Variants in UBIAD1 observed in about 807,000 individuals in gnomAD.
The protein encoded by UBIAD1 is ubiA prenyltransferase domain-containing protein 1.
UBIAD1 carries 12 observed loss-of-function variants against 20.1 expected under a neutral mutation model. That is an observed-to-expected ratio of 0.60 (90% CI 0.38 to 0.97). UBIAD1 has a LOEUF of 0.97. Among genes scored for constraint, UBIAD1 ranks in the 50% least tolerant of loss-of-function variants. The probability of loss-of-function intolerance (pLI) is 0.00; values close to 1 mark genes in which losing one functional copy is unlikely to be tolerated. For missense variants in UBIAD1, 333 were observed against 419.5 expected, an observed-to-expected ratio of 0.79 and a Z score of 1.80; for synonymous variants, 207 against 189.2, an observed-to-expected ratio of 1.09 and a Z score of -0.77.
At chr1:11,278,370 C>G (rs1163311242) in intron 1 of UBIAD1, among the ~76,000 whole-genome samples, 1 of 152,040 alleles carries the variant, frequency 6.6e-6, no homozygotes, top group Non-Finnish European at 1.5e-5. Flanking sequence ...TCGAGTACTC[C>G]AAGTTTATGT....
Position 11,286,156 on chromosome 1 carries a change from C to T in UBIAD1, c.*25C>T, listed in dbSNP as rs1179952666. ...AGGGGACAAGTAGCTCCCCCCACGA[C>T]ATGTCTCCCTTTCTTAGAATATATT... is the stretch of plus-strand genomic sequence containing the variant. On this transcript the variant is annotated 3_prime_UTR_variant, in exon 2 of 2. Coordinates refer to ENST00000376810, the MANE Select transcript of UBIAD1 (RefSeq NM_013319.3). The T allele has an allele frequency of 6.2e-7, 1 of 1,614,002 alleles. No homozygotes were observed. Among genetic ancestry groups the T allele is most frequent in the Non-Finnish European group, 8.5e-7 (1 of 1,179,994 alleles).
At chr1:11,294,728 G>A (rs1638420976) in intron 1 of UBIAD1, 2 of 701,096 alleles carry the variant, frequency 2.9e-6, no homozygotes, top group Non-Finnish European at 5.3e-6. Flanking sequence ...CTGGGCGAAA[G>A]TTACAAGTCA....
At chr1:11,290,094 G>C (rs888443396), downstream of UBIAD1, among the ~76,000 whole-genome samples, 9 of 152,100 alleles carry the variant, frequency 5.9e-5, no homozygotes, top group African/African-American at 2.2e-4. Context: ...TCGAAATCCT[G>C]ACCTCAGGCT....
downstream of UBIAD1, among the ~76,000 whole-genome samples, chr1:11,291,825 C>T (rs1489828361): frequency 6.6e-6 from 1 of 151,822 alleles, no homozygotes; most frequent in East Asian, 1.9e-4. Context: ...CACATAAAGC[C>T]ATGTCAGCCT....
Position 11,273,475 on chromosome 1 carries a change from G to A in UBIAD1, c.-57G>A. 1 of 1,604,028 alleles carries A rather than the reference G, an allele frequency of 6.2e-7. No individual in the cohort carries two copies. The highest frequency in any genetic ancestry group is 1.3e-5 in the African/African-American group (1 of 74,932). On this transcript the variant is annotated 5_prime_UTR_variant, in exon 1 of 2. Coordinates refer to ENST00000376810, the MANE Select transcript of UBIAD1 (RefSeq NM_013319.3). The surrounding 1 kb of genome is among the most constrained non-coding windows in gnomAD (Gnocchi z 4.9). Reference sequence around the variant, plus strand: ...CCCCGCCCCGTCCTTCCTCCTTCCCGGGCGGTCACTGTGCGTGGCTCACTT... The same window carrying A: ...CCCCGCCCCGTCCTTCCTCCTTCCCAGGCGGTCACTGTGCGTGGCTCACTT...
intron 1 of UBIAD1, among the ~76,000 whole-genome samples, chr1:11,277,628 A>G (rs1029536191): frequency 5.3e-5 from 8 of 151,698 alleles, no homozygotes; most frequent in Non-Finnish European, 1.2e-4. Flanking sequence ...ACTAAGCAAG[A>G]TGGATAAAGC....
rs1402151083 is a variant in UBIAD1 at position 11,286,816 on chromosome 1, C to T, written c.*685C>T. ...CAAGGACTGGGAGGGAAAAAAAAAC[C>T]ACTCTGGAGGCAACTGAGAAAATCA... On this transcript the variant is annotated 3_prime_UTR_variant, in exon 2 of 2. Coordinates refer to ENST00000376810, the MANE Select transcript of UBIAD1 (RefSeq NM_013319.3). The T allele has an allele frequency of 6.5e-6, 1 of 153,820 alleles. No individual in the cohort carries two copies. The highest frequency in any genetic ancestry group is 1.4e-5 in the Non-Finnish European group (1 of 69,210). The allele number at this position is 153,820 out of a possible 1,614,324, so 9.5% of individuals were successfully genotyped here.
chr1:11,286,554 C>G lies in UBIAD1; in HGVS notation c.*423C>G. 3.4e-6 allele frequency: 1 copy of G among 294,084 alleles called. No individual in the cohort carries two copies. Among genetic ancestry groups the G allele is most frequent in the Non-Finnish European group, 6.5e-6 (1 of 153,226 alleles). 18.2% of individuals were successfully genotyped at this position (294,084 alleles called of 1,614,324 possible). On this transcript the variant is annotated 3_prime_UTR_variant, in exon 2 of 2. Coordinates refer to ENST00000376810, the MANE Select transcript of UBIAD1 (RefSeq NM_013319.3). ...CAGAGTGTTGTCCTGCTTTCTTCGT[C>G]TCGTAGGATGTGCTATGATTGGTGC...
At chr1:11,297,358 A>G (rs1017572968), downstream of UBIAD1, among the ~76,000 whole-genome samples, 1 of 152,200 alleles carries the variant, frequency 6.6e-6, no homozygotes, top group Non-Finnish European at 1.5e-5. Flanking sequence ...TGAACCAGAA[A>G]GTGGCCTTCA....
chr1:11,297,968 T>G (rs1016119055), downstream of UBIAD1, among the ~76,000 whole-genome samples: 15 of 108,066 alleles, frequency 1.4e-4, no homozygotes, highest in South Asian at 8.8e-4. Flanking sequence ...TGTTTTTTTG[T>G]TTTTTTTTTG....
At chr1:11,279,367 T>A (rs143322953) in intron 1 of UBIAD1, 8 of 181,240 alleles carry the variant, frequency 4.4e-5, no homozygotes, top group Admixed American at 1.8e-4. Flanking sequence ...AGGGCAAGGC[T>A]GGGGATAGAA....
chr1:11,278,378 TGTTTAAATGACA>T (rs1652128482), intron 1 of UBIAD1, among the ~76,000 whole-genome samples: 1 of 152,248 alleles, frequency 6.6e-6, no homozygotes, highest in Non-Finnish European at 1.5e-5. Context: ...TCCAAGTTTA[TGTTTAAATGACA>T]GTACCTTAAC....
downstream of UBIAD1, among the ~76,000 whole-genome samples, chr1:11,288,654 T>A (rs1158637636): frequency 6.6e-6 from 1 of 152,186 alleles, no homozygotes; most frequent in Admixed American, 6.5e-5. Flanking sequence ...ACGCTTGTAA[T>A]CACAGTAATT....
chr1:11,296,950 A>G (rs1638458522), downstream of UBIAD1, among the ~76,000 whole-genome samples: 1 of 152,220 alleles, frequency 6.6e-6, no homozygotes, highest in Non-Finnish European at 1.5e-5. Flanking sequence ...TGCCTGGTAC[A>G]TTCATTCATT....
intron 1 of UBIAD1, among the ~76,000 whole-genome samples, chr1:11,284,628 T>C (rs1385522412): frequency 6.6e-6 from 1 of 152,116 alleles, no homozygotes; most frequent in Non-Finnish European, 1.5e-5. Context: ...CACGCTTGGC[T>C]AATTTTTGTA....
chr1:11,273,462 C>A lies in UBIAD1; in HGVS notation c.-70C>A. 6.3e-7 allele frequency: 1 copy of A among 1,592,148 alleles called. No homozygotes were observed. Among genetic ancestry groups the A allele is most frequent in the Non-Finnish European group, 8.6e-7 (1 of 1,168,212 alleles). Reference sequence around the variant, plus strand: ...TCGGGCCCTGCTGCCCCGCCCCGTCCTTCCTCCTTCCCGGGCGGTCACTGT... The same window carrying A: ...TCGGGCCCTGCTGCCCCGCCCCGTCATTCCTCCTTCCCGGGCGGTCACTGT... On this transcript the variant is annotated 5_prime_UTR_variant, in exon 1 of 2. Coordinates refer to ENST00000376810, the MANE Select transcript of UBIAD1 (RefSeq NM_013319.3). The surrounding 1 kb of genome is among the most constrained non-coding windows in gnomAD (Gnocchi z 4.9).
At chr1:11,298,022 A>G (rs1033675209), downstream of UBIAD1, among the ~76,000 whole-genome samples, 28 of 151,760 alleles carry the variant, frequency 1.8e-4, no homozygotes, top group Non-Finnish European at 4.0e-4. This position sits in a 1 kb window ranked among gnomAD's most constrained non-coding sequence, Gnocchi z 4.0. Flanking sequence ...GTGCAGTGGC[A>G]CGATCTCGGC....
chr1:11,297,691 TGACTTCTCATTC>T (rs1174699825), downstream of UBIAD1, among the ~76,000 whole-genome samples: 1 of 152,166 alleles, frequency 6.6e-6, no homozygotes, highest in African/African-American at 2.4e-5. Flanking sequence ...ATTGTCAAGG[TGACTTCTCATTC>T]GAATGCTTCA....
chr1:11,282,889 T>C (rs1440180471), intron 1 of UBIAD1, among the ~76,000 whole-genome samples: 1 of 150,966 alleles, frequency 6.6e-6, no homozygotes, highest in Non-Finnish European at 1.5e-5. Context: ...AGACGGAGTT[T>C]TGCTCTTGTT....
Sources: allele counts gnomAD v4.1 joint callset (sites outside exome capture counted in the v4.1 genomes callset), GRCh38; gene constraint gnomAD v4.1.1; non-coding constraint Gnocchi (gnomAD v3.1); transcripts MANE v1.5; gene names NCBI Gene and HGNC (gene_info 2026-07-23, HGNC 2026-07-21).